The following MIB1 variants were observed in gnomAD, a reference collection of about 807,000 sequenced individuals.
MIB1 encodes the protein MIB E3 ubiquitin protein ligase 1, also known as E3 ubiquitin-protein ligase MIB1.
MIB1 carries 278 observed loss-of-function variants against 124.5 expected under a neutral mutation model. The ratio of observed to expected loss-of-function variants is 2.23; its 90% CI spans 2.02 to 2.47. The LOEUF (loss-of-function observed/expected upper bound fraction) is 2.47, where lower values mean the gene tolerates loss of function less well. Ranked by LOEUF, MIB1 falls within the 30% of genes most tolerant of loss-of-function variation. The probability of loss-of-function intolerance (pLI) is 0.00; values close to 1 mark genes in which losing one functional copy is unlikely to be tolerated. For synonymous variants in MIB1, 446 were observed against 429.4 expected, an observed-to-expected ratio of 1.04 and a Z score of -0.48; for missense variants, 957 against 1,254.4, an observed-to-expected ratio of 0.76 and a Z score of 3.58.
chr18:21,855,375 A>G (rs1188078125), intron 18 of MIB1, among the ~76,000 whole-genome samples: 1 of 152,242 alleles, frequency 6.6e-6, no homozygotes, highest in African/African-American at 2.4e-5. Context: ...ATTAGAAACA[A>G]TACAGATAGA....
At chr18:21,854,436 G>A (rs764951067) in intron 18 of MIB1, among the ~76,000 whole-genome samples, 3 of 152,226 alleles carry the variant, frequency 2.0e-5, no homozygotes, top group East Asian at 1.9e-4. Context: ...GTCAGATTTG[G>A]CCCTCAGGTG....
At chr18:21,769,220 A>G (rs2041198550) in intron 3 of MIB1, among the ~76,000 whole-genome samples, 9 of 152,082 alleles carry the variant, frequency 5.9e-5, no homozygotes. Context: ...GAGTTTTAGG[A>G]GTAGGTCAAA....
chr18:21,838,319 A>T (rs570078329), intron 12 of MIB1, 46 bp from the exon 13 acceptor site: 10 of 1,389,202 alleles, frequency 7.2e-6, no homozygotes, highest in Non-Finnish European at 9.8e-6. Context: ...TCTTTTGAGT[A>T]TATCAAATTA....
At chr18:21,750,607 G>A (rs567709176) in intron 1 of MIB1, among the ~76,000 whole-genome samples, 6 of 152,284 alleles carry the variant, frequency 3.9e-5, no homozygotes, top group East Asian at 1.9e-4. Context: ...GATTACAGGC[G>A]TAAGCCACCA....
chr18:21,731,199 T>G (rs1007287769), intron 1 of MIB1, among the ~76,000 whole-genome samples: 25 of 152,222 alleles, frequency 1.6e-4, no homozygotes, highest in African/African-American at 5.3e-4. Context: ...GATTATAAGT[T>G]TCTGGGGTGC....
intron 16 of MIB1, 126 bp from the exon 17 acceptor site, chr18:21,849,070 A>C: frequency 1.7e-6 from 1 of 600,284 alleles, no homozygotes; most frequent in Non-Finnish European, 2.8e-6. Context: ...TACAGATGTT[A>C]AAGCTTAATT....
Position 21,741,630 on chromosome 18 carries a change from C to G in MIB1, c.47C>G (p.Ala16Gly), listed in dbSNP as rs953376909. The G allele has an allele frequency of 1.2e-6, 2 of 1,607,664 alleles. No individual in the cohort carries two copies. Among genetic ancestry groups the G allele is most frequent in the African/African-American group, 2.7e-5 (2 of 74,668 alleles). Residue 16 changes from alanine to glycine, a missense_variant, in exon 1 of 21, where the codon GCT becomes GGT. Coordinates refer to ENST00000261537, the MANE Select transcript of MIB1 (RefSeq NM_020774.4). The surrounding 1 kb of genome is among the most constrained non-coding windows in gnomAD (Gnocchi z 5.4). ...CGGGTGATGGTGGAAGGGGTTGGCGCTCGGGTAGTGCGCGGCCCGGACTGG... is the reference window on the plus strand; with the variant it reads ...CGGGTGATGGTGGAAGGGGTTGGCGGTCGGGTAGTGCGCGGCCCGGACTGG... ...NNRVMVEGVG[A>G]RVVRGPDWKW...
rs767657167 is a variant in MIB1 at position 21,742,530 on chromosome 18, T to C, written c.229+718T>C. Among the ~76,000 whole-genome samples, 4 of 152,208 alleles carry C rather than the reference T, an allele frequency of 2.6e-5. No individual in the cohort carries two copies. The South Asian group carries it at 8.3e-4, about 32-fold the overall frequency. On this transcript the variant is annotated intron_variant, in intron 1 of 20. Coordinates refer to ENST00000261537, the MANE Select transcript of MIB1 (RefSeq NM_020774.4). ...TAACGTCCGTCTCAGTAAGGTGATG[T>C]CAGAATCTTACTCATTCACCCAGCA...
intron 1 of MIB1, among the ~76,000 whole-genome samples, chr18:21,759,492 C>T (rs188857497): frequency 1.3e-3 from 193 of 152,158 alleles, no homozygotes; most frequent in African/African-American, 4.1e-3. Context: ...CCGCCTGCCT[C>T]GGCCTCCTAA....
intron 15 of MIB1, among the ~76,000 whole-genome samples, chr18:21,845,322 C>T (rs548285418): frequency 1.3e-5 from 2 of 152,014 alleles, no homozygotes; most frequent in Non-Finnish European, 1.5e-5. Flanking sequence ...TTTCATTCTT[C>T]TAATAGTGAT....
rs1351669583 is a variant in MIB1 at position 21,781,373 on chromosome 18, A to ATGTG, written c.908+1689_908+1690insGTGT. ...TTATTGGTCTGTTCAAGTTATATATATATATATATATATATATATATATAT... is the reference window on the plus strand; with the variant it reads ...TTATTGGTCTGTTCAAGTTATATATATGTGTATATATATATATATATATATATAT... On this transcript the variant is annotated intron_variant, in intron 6 of 20. Transcript: ENST00000261537. Among the ~76,000 whole-genome samples, 10 of 29,914 alleles carry ATGTG rather than the reference A, an allele frequency of 3.3e-4. No individual in the cohort carries two copies. In the East Asian group the frequency reaches 0.014, roughly 43 times the overall value. The allele number at this position is 29,914 out of a possible 152,430, so 19.6% of individuals were successfully genotyped here. A position where few individuals can be genotyped will look rare whatever the true frequency, so the allele number is the denominator to read the frequency against.
At chr18:21,851,198 G>GC (rs947981980) in intron 17 of MIB1, among the ~76,000 whole-genome samples, 69 of 152,134 alleles carry the variant, frequency 4.5e-4, no homozygotes, top group Non-Finnish European at 4.0e-4. Flanking sequence ...GTTCTTGAAT[G>GC]CAGGTCTCTT....
chr18:21,813,241 A>G (rs2041794636), intron 10 of MIB1, among the ~76,000 whole-genome samples: 1 of 151,846 alleles, frequency 6.6e-6, no homozygotes, highest in South Asian at 2.1e-4. Flanking sequence ...AAAAAAAAAG[A>G]CTGGAAGTTA....
chr18:21,709,725 A>G (rs541489232), intron 1 of MIB1, among the ~76,000 whole-genome samples: 1 of 152,224 alleles, frequency 6.6e-6, no homozygotes, highest in Non-Finnish European at 1.5e-5. Flanking sequence ...TGGGCAGTCA[A>G]AAAGAATGCA....
At position 21,839,580 on chromosome 18, in the gene MIB1, C is replaced by A. The variant is rs185160704; in HGVS notation, c.1962+1083C>A. ...AGTACAGTGGCACAATCATGGCTCACTGCAGCCTTGACCTCCCAGGCTCAA... is the reference window on the plus strand; with the variant it reads ...AGTACAGTGGCACAATCATGGCTCAATGCAGCCTTGACCTCCCAGGCTCAA... On this transcript the variant is annotated intron_variant, in intron 13 of 20. Coordinates refer to ENST00000261537, the MANE Select transcript of MIB1 (RefSeq NM_020774.4). Among the ~76,000 whole-genome samples, 378 of 152,322 alleles carry A rather than the reference C, an allele frequency of 2.5e-3. 2 individuals are homozygous for A. Among genetic ancestry groups the A allele is most frequent in the African/African-American group, 8.1e-3 (336 of 41,572 alleles).
intron 3 of MIB1, among the ~76,000 whole-genome samples, chr18:21,769,640 C>T (rs1442024476): frequency 2.0e-5 from 3 of 152,174 alleles, no homozygotes; most frequent in Admixed American, 1.3e-4. Flanking sequence ...GACACACATT[C>T]TAGTAACTTC....
intron 10 of MIB1, among the ~76,000 whole-genome samples, chr18:21,814,446 G>A (rs1408927117): frequency 6.6e-6 from 1 of 151,190 alleles, no homozygotes; most frequent in South Asian, 2.1e-4. Flanking sequence ...GGACGTGCAC[G>A]GTGGCTCACA....
At chr18:21,776,863 G>C (rs917847634) in intron 4 of MIB1, among the ~76,000 whole-genome samples, 2 of 151,964 alleles carry the variant, frequency 1.3e-5, no homozygotes, top group African/African-American at 2.4e-5. Flanking sequence ...TGTATTCCCA[G>C]CTACTGGGGA....
intron 10 of MIB1, among the ~76,000 whole-genome samples, chr18:21,806,610 AGTTTTTT>A (rs1265319395): frequency 2.0e-5 from 3 of 151,168 alleles, no homozygotes; most frequent in Non-Finnish European, 2.9e-5. Context: ...ATTTATAAAT[AGTTTTTT>A]GTTTTTTGTT....
Sources: gnomAD v4.1 joint callset for allele counts (sites outside exome capture counted in the v4.1 genomes callset) on GRCh38, gnomAD v4.1.1 for gene constraint, Gnocchi (gnomAD v3.1) non-coding constraint, MANE v1.5 for transcripts, NCBI Gene and HGNC (gene_info 2026-07-23, HGNC 2026-07-21) for gene names.